Variants in KAT6B observed in about 807,000 individuals in gnomAD.
KAT6B encodes lysine acetyltransferase 6B.
In KAT6B, 10 loss-of-function variants were observed where a neutral mutation model predicts 187.5. The ratio of observed to expected loss-of-function variants is 0.05; its 90% confidence interval spans 0.03 to 0.09. The LOEUF (loss-of-function observed/expected upper bound fraction) is 0.09. KAT6B is among the 10% of genes least tolerant of loss of function. The pLI is 1.00. For synonymous variants in KAT6B, 861 were observed against 926.8 expected (o/e 0.93, Z 1.29); for missense variants, 1,952 against 2,558.9 (o/e 0.76, Z 5.12).
intron 1 of KAT6B, among the ~76,000 whole-genome samples, chr10:74,830,067 G>T (rs1268655533): frequency 1.3e-5 from 2 of 151,708 alleles, no homozygotes; most frequent in South Asian, 4.2e-4. Context: ...AAGTAGGGAT[G>T]TGTAAGCTGT....
intron 3 of KAT6B, among the ~76,000 whole-genome samples, chr10:74,933,267 A>G (rs1338533451): frequency 1.3e-5 from 2 of 152,234 alleles, no homozygotes; most frequent in Non-Finnish European, 1.5e-5. Context: ...GAGATAGCCT[A>G]GACATAAGTA....
At chr10:75,016,196 C>T (rs962260225) in intron 13 of KAT6B, among the ~76,000 whole-genome samples, 18 of 152,206 alleles carry the variant, frequency 1.2e-4, no homozygotes, top group Non-Finnish European at 2.5e-4. Flanking sequence ...TAACTCTCTA[C>T]CACTTTTATT....
At chr10:74,897,484 C>T (rs1194721978) in intron 3 of KAT6B, among the ~76,000 whole-genome samples, 1 of 152,222 alleles carries the variant, frequency 6.6e-6, no homozygotes, top group Non-Finnish European at 1.5e-5. Context: ...CAACCCTTAT[C>T]CCTCAGCCCC....
intron 1 of KAT6B, among the ~76,000 whole-genome samples, chr10:74,832,847 G>T (rs1178432803): frequency 6.6e-6 from 1 of 150,988 alleles, no homozygotes; most frequent in African/African-American, 2.4e-5. Context: ...TTTTTTGGCC[G>T]GGCATGATGG....
chr10:75,007,175 G>A (rs1440415853), intron 13 of KAT6B, among the ~76,000 whole-genome samples: 1 of 152,006 alleles, frequency 6.6e-6, no homozygotes, highest in Non-Finnish European at 1.5e-5. Context: ...AACATCAACA[G>A]TTGCAAAAAG....
rs181266394 is a variant in KAT6B, at chr10:74,960,224, G to A, written c.730+146G>A. The A allele has an allele frequency of 1.0e-5, 7 of 700,030 alleles. No individual in the cohort carries two copies. The Admixed American group carries it at 1.4e-4, about 14-fold the overall frequency. 43.4% of individuals were successfully genotyped at this position (700,030 alleles called of 1,614,324 possible). On this transcript the variant is annotated intron_variant, in intron 4 of 17. Coordinates refer to ENST00000287239, the MANE Select transcript of KAT6B (RefSeq NM_012330.4). ...TTTAAATTTTAAAAGAAAAAGTAAG[G>A]AATAGAGAAAAAAGCGTGAGTATGT...
chr10:75,012,267 G>A (rs1844661007), intron 13 of KAT6B, among the ~76,000 whole-genome samples: 1 of 152,076 alleles, frequency 6.6e-6, no homozygotes, highest in Non-Finnish European at 1.5e-5. Flanking sequence ...GGGCAACATG[G>A]TGAAACCCCA....
At chr10:74,832,114 G>T (rs139213329) in intron 1 of KAT6B, among the ~76,000 whole-genome samples, 1 of 152,332 alleles carries the variant, frequency 6.6e-6, no homozygotes, top group East Asian at 1.9e-4. Context: ...ATGGCTGGAT[G>T]ACAGAAGGTC....
chr10:74,934,991 A>G (rs766970301), intron 3 of KAT6B, among the ~76,000 whole-genome samples: 1 of 152,236 alleles, frequency 6.6e-6, no homozygotes, highest in African/African-American at 2.4e-5. Context: ...ACAGGGGTGA[A>G]GAAAGCAGGT....
At chr10:74,854,902 A>T (rs961387121) in intron 3 of KAT6B, among the ~76,000 whole-genome samples, 2 of 152,130 alleles carry the variant, frequency 1.3e-5, no homozygotes, top group South Asian at 2.1e-4. Flanking sequence ...ACCTAACTTT[A>T]CTTACAAGTT....
At chr10:74,952,669 AC>A (rs1217080688) in intron 3 of KAT6B, among the ~76,000 whole-genome samples, 2 of 151,876 alleles carry the variant, frequency 1.3e-5, no homozygotes, top group Non-Finnish European at 2.9e-5. Flanking sequence ...GGGAGAGCAA[AC>A]TAAAGAGACA....
At chr10:74,906,189 C>G (rs1846747479) in intron 3 of KAT6B, among the ~76,000 whole-genome samples, 2 of 152,122 alleles carry the variant, frequency 1.3e-5, no homozygotes, top group African/African-American at 4.8e-5. Flanking sequence ...CACCTGAGGT[C>G]AGGAGTTCGA....
At chr10:74,984,906 C>A in intron 11 of KAT6B, 174 bp from the exon 12 acceptor site, 1 of 635,960 alleles carries the variant, frequency 1.6e-6, no homozygotes. Flanking sequence ...TTCTGATTTG[C>A]CAGTGACAGC....
rs1468278969 is a variant in KAT6B, at chr10:74,976,230, G to A, written c.1893G>A (p.Met631Ile). Residue 631 changes from methionine (M) to isoleucine (I), a missense_variant, in exon 8 of 18, where the codon ATG becomes ATA. By Grantham distance (10) the Met-to-Ile change is conservative (BLOSUM62 1). Around this residue, in one of 9 missense-constraint regions of KAT6B, gnomAD observed 417 missense variants for 508.9 expected, o/e 0.82. Coordinates refer to ENST00000287239, the MANE Select transcript of KAT6B (RefSeq NM_012330.4). The part of the protein sequence containing the change: ...KRTTFLKKHR[M>I]LGRLKYKVTP... ...CAACTTTCCTTAAAAAGCACAGGATGCTAGGCAGATTAAAATATAAAGTGA... is the reference window on the plus strand; with the variant it reads ...CAACTTTCCTTAAAAAGCACAGGATACTAGGCAGATTAAAATATAAAGTGA... 1.2e-6 allele frequency: 2 copies of A among 1,614,032 alleles called. No individual in the cohort carries two copies. Among genetic ancestry groups the A allele is most frequent in the Non-Finnish European group, 1.7e-6 (2 of 1,180,036 alleles).
intron 13 of KAT6B, among the ~76,000 whole-genome samples, chr10:74,993,389 A>G (rs777917234): frequency 6.6e-5 from 10 of 152,190 alleles, no homozygotes; most frequent in South Asian, 4.2e-4. Flanking sequence ...ATTATTCTCA[A>G]TCTCTCCCTT....
intron 17 of KAT6B, 109 bp downstream of exon 17, chr10:75,025,358 T>C: frequency 9.3e-7 from 1 of 1,076,514 alleles, no homozygotes; most frequent in South Asian, 1.3e-5. Context: ...GAAGTGGTGC[T>C]GATGCACCTG....
rs753571987 is a variant in KAT6B, at chr10:75,031,074, G to A, written c.*28G>A. 2.1e-5 allele frequency: 34 copies of A among 1,612,330 alleles called. No individual in the cohort carries two copies. The highest frequency in any genetic ancestry group is 2.7e-5 in the African/African-American group (2 of 74,766). ...AACGTGGGCAGTCCACAAAACCTACGGGGCATCACTATTGGATTGATCTGC... is the reference window on the plus strand; with the variant it reads ...AACGTGGGCAGTCCACAAAACCTACAGGGCATCACTATTGGATTGATCTGC... On this transcript the variant is annotated 3_prime_UTR_variant, in exon 18 of 18. Coordinates refer to ENST00000287239, the MANE Select transcript of KAT6B (RefSeq NM_012330.4).
intron 3 of KAT6B, among the ~76,000 whole-genome samples, chr10:74,865,486 C>A (rs1007144899): frequency 4.6e-5 from 7 of 151,568 alleles, no homozygotes; most frequent in Admixed American, 1.3e-4. Context: ...ACAATTTTTA[C>A]CAGTTTTATA....
At chr10:74,947,365 A>G (rs972970624) in intron 3 of KAT6B, among the ~76,000 whole-genome samples, 1 of 152,240 alleles carries the variant, frequency 6.6e-6, no homozygotes, top group Non-Finnish European at 1.5e-5. Flanking sequence ...ATGTGCAAAC[A>G]TTTAAAATGT....
Sources: gnomAD v4.1 joint callset for allele counts (sites outside exome capture counted in the v4.1 genomes callset) on GRCh38, gnomAD v4.1.1 for gene constraint, gnomAD v4.1.1 regional missense constraint, MANE v1.5 for transcripts, NCBI Gene and HGNC (gene_info 2026-07-23, HGNC 2026-07-21) for gene names.